Variants in ATF3 observed in about 807,000 individuals in gnomAD.
ATF3 encodes activating transcription factor 3, also known as cyclic AMP-dependent transcription factor ATF-3.
ATF3 carries 10 observed loss-of-function variants against 18.4 expected under a neutral mutation model. That is an observed-to-expected ratio of 0.54 (90% CI 0.34 to 0.92). The LOEUF is 0.92. Ranked by LOEUF, ATF3 falls within the 40% of genes least tolerant of loss-of-function variation. The probability of loss-of-function intolerance (pLI) is 0.02; values close to 1 mark genes in which losing one functional copy is unlikely to be tolerated. For synonymous variants in ATF3, 78 were observed against 87.9 expected (o/e 0.89, Z 0.63); for missense variants, 183 against 222.3 (o/e 0.82, Z 1.12).
intron 1 of ATF3, among the ~76,000 whole-genome samples, chr1:212,598,437 C>T (rs1248473324): frequency 6.6e-6 from 1 of 152,146 alleles, no homozygotes; most frequent in African/African-American, 2.4e-5. Context: ...GGGTATCCAT[C>T]CCCTTAAGCA....
At chr1:212,612,295 G>A (rs180976201) in intron 1 of ATF3, among the ~76,000 whole-genome samples, 3 of 152,262 alleles carry the variant, frequency 2.0e-5, no homozygotes, top group Admixed American at 6.5e-5. Flanking sequence ...AAGAAGAAGG[G>A]TAGGGGGCGG....
chr1:212,594,258 A>G (rs1664947709), intron 1 of ATF3, among the ~76,000 whole-genome samples: 1 of 152,190 alleles, frequency 6.6e-6, no homozygotes, highest in Non-Finnish European at 1.5e-5. Flanking sequence ...GGTAGTCTAC[A>G]TGCTTCATGA....
chr1:212,599,331 T>C (rs1004055349), intron 1 of ATF3, among the ~76,000 whole-genome samples: 2 of 152,240 alleles, frequency 1.3e-5, no homozygotes, highest in African/African-American at 4.8e-5. Context: ...CTGAGGATCA[T>C]TGGCTTTTCC....
chr1:212,585,866 C>T (rs1012001001), intron 1 of ATF3, among the ~76,000 whole-genome samples: 2 of 152,074 alleles, frequency 1.3e-5, no homozygotes, highest in Non-Finnish European at 2.9e-5. Context: ...GCACCTGCTC[C>T]ATGGTTGTTG....
At position 212,619,289 on chromosome 1, in the gene ATF3, C is replaced by G. The variant is rs935273434; in HGVS notation, c.349-69C>G. On this transcript the variant is annotated intron_variant, in intron 3 of 3. Transcript: ENST00000341491. The surrounding 1 kb of genome is among the most constrained non-coding windows in gnomAD (Gnocchi z 4.4). ...CAGGTACACCCCTGCATCCAGGCAG[C>G]AGCCCAGGCCACCCCCTCCTCACTG... The G allele has an allele frequency of 8.7e-6, 14 of 1,611,620 alleles. No homozygotes were observed. The highest frequency in any genetic ancestry group is 1.1e-5 in the Non-Finnish European group (13 of 1,179,896).
chr1:212,596,168 T>A (rs978909103), intron 1 of ATF3, among the ~76,000 whole-genome samples: 1 of 152,262 alleles, frequency 6.6e-6, no homozygotes, highest in African/African-American at 2.4e-5. Flanking sequence ...AAATAGTTTA[T>A]ATTTTTTAAA....
intron 1 of ATF3, among the ~76,000 whole-genome samples, chr1:212,614,769 A>C (rs2102657646): frequency 6.6e-6 from 1 of 152,368 alleles, no homozygotes; most frequent in African/African-American, 2.4e-5. Context: ...AATTCAGAGT[A>C]GCCTGAAACA....
At chr1:212,577,569 C>G (rs976841704) in intron 1 of ATF3, among the ~76,000 whole-genome samples, 21 of 151,812 alleles carry the variant, frequency 1.4e-4, no homozygotes, top group Admixed American at 9.2e-4. Context: ...AGCCCCACCC[C>G]CATCCTACCC....
chr1:212,601,146 CT>C (rs143536858), intron 1 of ATF3, among the ~76,000 whole-genome samples: 2,350 of 152,326 alleles, frequency 0.015, 59 homozygotes, highest in African/African-American at 0.054. Context: ...AGTTCATCAT[CT>C]GATGATTCAA....
chr1:212,612,750 T>C (rs1571789109), intron 1 of ATF3, among the ~76,000 whole-genome samples: 2 of 152,094 alleles, frequency 1.3e-5, no homozygotes, highest in African/African-American at 4.8e-5. Flanking sequence ...CTTGCCTCCA[T>C]TGGTGTATGT....
intron 1 of ATF3, among the ~76,000 whole-genome samples, chr1:212,595,473 A>G (rs774740344): frequency 3.9e-5 from 6 of 152,192 alleles, no homozygotes; most frequent in African/African-American, 7.2e-5. Flanking sequence ...ATGGATCCTG[A>G]GCCCCTTCCT....
At position 212,619,120 on chromosome 1, in the gene ATF3, A is replaced by G; in HGVS notation, c.349-238A>G. On this transcript the variant is annotated intron_variant, in intron 3 of 3. Transcript: ENST00000341491. This position sits in a 1 kb window ranked among gnomAD's most constrained non-coding sequence, Gnocchi z 4.4. ...CATGCAAATGAGGTATCTGAACTGC[A>G]GCTTCAGTATTAGCAGAGCCACAGG... 1 of 1,614,110 alleles carries G rather than the reference A, an allele frequency of 6.2e-7. No individual in the cohort carries two copies. Among genetic ancestry groups the G allele is most frequent in the Non-Finnish European group, 8.5e-7 (1 of 1,180,030 alleles).
chr1:212,598,312 T>C (rs563793210), intron 1 of ATF3, among the ~76,000 whole-genome samples: 1 of 152,234 alleles, frequency 6.6e-6, no homozygotes, highest in Non-Finnish European at 1.5e-5. Flanking sequence ...TCTTACTTTT[T>C]AAAATTTATT....
chr1:212,586,887 C>A (rs749149603), intron 1 of ATF3, among the ~76,000 whole-genome samples: 9 of 152,196 alleles, frequency 5.9e-5, no homozygotes, highest in Non-Finnish European at 8.8e-5. Flanking sequence ...CTCAGTTTCA[C>A]CCAAGTCCCT....
chr1:212,603,765 T>G (rs140765155), upstream of ATF3, among the ~76,000 whole-genome samples: 221 of 100,280 alleles, frequency 2.2e-3, 5 homozygotes, highest in East Asian at 0.04. Context: ...TTAAAATGTG[T>G]GTGTATATAT....
intron 1 of ATF3, among the ~76,000 whole-genome samples, chr1:212,599,480 G>A (rs1325460657): frequency 1.3e-5 from 2 of 152,102 alleles, no homozygotes; most frequent in African/African-American, 4.8e-5. Flanking sequence ...ATGGTACTTG[G>A]TAATTATCCG....
chr1:212,619,312 C>T lies in ATF3; in HGVS notation c.349-46C>T, dbSNP rs1315816073. ...AGCAGCCCAGGCCACCCCCTCCTCA[C>T]TGGCCCTTGGCTCCTTTCTTGATGC... On this transcript the variant is annotated intron_variant, in intron 3 of 3. Coordinates refer to ENST00000341491, the MANE Select transcript of ATF3 (RefSeq NM_001674.4). The surrounding 1 kb of genome is among the most constrained non-coding windows in gnomAD (Gnocchi z 4.4). 1 of 1,612,260 alleles carries T rather than the reference C, an allele frequency of 6.2e-7. No individual in the cohort carries two copies. The highest frequency in any genetic ancestry group is 1.1e-5 in the South Asian group (1 of 90,766).
At chr1:212,614,436 G>C (rs1423729439) in intron 1 of ATF3, among the ~76,000 whole-genome samples, 2 of 152,068 alleles carry the variant, frequency 1.3e-5, no homozygotes, top group African/African-American at 4.8e-5. Flanking sequence ...GCCCAACTTC[G>C]GGGGAGAAGC....
chr1:212,618,005 G>C lies in ATF3; in HGVS notation c.241-122G>C. 1 of 846,492 alleles carries C rather than the reference G, an allele frequency of 1.2e-6. No homozygotes were observed. The allele number at this position is 846,492 out of a possible 1,614,324, so 52.4% of individuals were successfully genotyped here. A position where few individuals can be genotyped will look rare whatever the true frequency, so the allele number is the denominator to read the frequency against. On this transcript the variant is annotated intron_variant, in intron 2 of 3. Transcript: ENST00000341491. This position sits in a 1 kb window ranked among gnomAD's most constrained non-coding sequence, Gnocchi z 4.4. ...CAAAAGTCTAGAGCTTTAGTATTTC[G>C]GGGTCTTTTAGCGCTAGCATTGCCC... is the stretch of plus-strand genomic sequence containing the variant.
Sources: allele counts gnomAD v4.1 joint callset (sites outside exome capture counted in the v4.1 genomes callset), GRCh38; gene constraint gnomAD v4.1.1; non-coding constraint Gnocchi (gnomAD v3.1); transcripts MANE v1.5; gene names NCBI Gene and HGNC (gene_info 2026-07-23, HGNC 2026-07-21).